COL28A1: variants seen among roughly 807,000 people sequenced by gnomAD.
The protein encoded by COL28A1 is collagen alpha-1(XXVIII) chain.
Under a neutral mutation model 150.2 loss-of-function variants are expected in COL28A1, and 161 were observed. The ratio of observed to expected loss-of-function variants is 1.07; its 90% CI spans 0.94 to 1.22. The LOEUF (loss-of-function observed/expected upper bound fraction) is 1.22. Ranked by LOEUF, COL28A1 falls within the 50% of genes most tolerant of loss-of-function variation. The probability of loss-of-function intolerance (pLI) is 0.00; values close to 1 mark genes in which losing one functional copy is unlikely to be tolerated. For missense variants in COL28A1, 1,617 were observed against 1,388.3 expected (o/e 1.16, Z -2.62); for synonymous variants, 552 against 469.7 (o/e 1.18, Z -2.26).
At chr7:7,479,798 C>G (rs1307745413) in intron 13 of COL28A1, among the ~76,000 whole-genome samples, 1 of 151,990 alleles carries the variant, frequency 6.6e-6, no homozygotes, top group African/African-American at 2.4e-5. Flanking sequence ...AGAAAATGTA[C>G]TAATGGAAAA....
At chr7:7,534,513 TTTCTC>T (rs1240286151) in intron 1 of COL28A1, among the ~76,000 whole-genome samples, 1 of 152,160 alleles carries the variant, frequency 6.6e-6, no homozygotes, top group Non-Finnish European at 1.5e-5. Flanking sequence ...ACATATGACT[TTTCTC>T]TTTGGTTGAG....
At chr7:7,541,328 T>C in the COL28A1 span, among the ~76,000 whole-genome samples, 2 of 152,238 alleles carry the variant, frequency 1.3e-5, no homozygotes, top group South Asian at 4.2e-4. Context: ...TTTTTTCCTA[T>C]TTGGGGATAT....
Position 7,477,131 on chromosome 7 carries a change from T to C in COL28A1, c.1214A>G (p.Glu405Gly). The C allele has an allele frequency of 1.5e-6, 2 of 1,336,022 alleles. No individual in the cohort carries two copies. Among genetic ancestry groups the C allele is most frequent in the South Asian group, 1.2e-5 (1 of 85,590 alleles). The allele number at this position is 1,336,022 out of a possible 1,614,324, so 82.8% of individuals were successfully genotyped here. A position where few individuals can be genotyped will look rare whatever the true frequency, so the allele number is the denominator to read the frequency against. Residue 405 changes from glutamate (E) to glycine (G), a missense_variant, in exon 14 of 35, where the codon GAA becomes GGA. Transcript: ENST00000399429. ...TGTTACCTTTGGTCCTGGAAATCCTTCTCCGGGTAAGCCCCTCTCTCCTGG... is the reference window on the plus strand; with the variant it reads ...TGTTACCTTTGGTCCTGGAAATCCTCCTCCGGGTAAGCCCCTCTCTCCTGG... ...GVPGERGLPG[E>G]GFPGPKGEKG...
intron 23 of COL28A1, among the ~76,000 whole-genome samples, chr7:7,434,224 T>G (rs1785184728): frequency 6.6e-6 from 1 of 152,200 alleles, no homozygotes; most frequent in Admixed American, 6.5e-5. Context: ...CTATTCATCA[T>G]CAACAAAAAC....
intron 34 of COL28A1, among the ~76,000 whole-genome samples, chr7:7,359,643 T>A (rs1290491576): frequency 6.6e-6 from 1 of 152,174 alleles, no homozygotes; most frequent in Non-Finnish European, 1.5e-5. Flanking sequence ...GGGACTTATA[T>A]GTGATAAACT....
the COL28A1 span, among the ~76,000 whole-genome samples, chr7:7,542,476 T>A: frequency 1.3e-5 from 2 of 152,174 alleles, no homozygotes; most frequent in East Asian, 3.8e-4. Flanking sequence ...TCTGTTAACT[T>A]TTCTGTATGT....
In COL28A1 at chr7:7,506,200, T is replaced by G. The variant is rs1780800657; in HGVS notation, c.973-133A>C. 1.3e-5 allele frequency: 8 copies of G among 595,950 alleles called. No homozygotes were observed. The South Asian group carries it at 1.8e-4, about 13-fold the overall frequency. 36.9% of individuals were successfully genotyped at this position (595,950 alleles called of 1,614,324 possible). A position where few individuals can be genotyped will look rare whatever the true frequency, so the allele number is the denominator to read the frequency against. On this transcript the variant is annotated intron_variant, in intron 10 of 34. Coordinates refer to ENST00000399429, the MANE Select transcript of COL28A1 (RefSeq NM_001037763.3). ...AACTCAGAGCTAAATTGAAATCACA[T>G]TCAATCGAGAAGTGGGATGAGATAA...
chr7:7,427,519 T>A (rs1784711902), intron 25 of COL28A1, among the ~76,000 whole-genome samples: 1 of 152,172 alleles, frequency 6.6e-6, no homozygotes, highest in African/African-American at 2.4e-5. Context: ...AATGCATCTC[T>A]GTGTGAATCG....
At chr7:7,535,458 A>G (rs1011766855) in intron 1 of COL28A1, among the ~76,000 whole-genome samples, 13 of 152,144 alleles carry the variant, frequency 8.5e-5, no homozygotes, top group Admixed American at 7.2e-4. Context: ...TGAATTGTAA[A>G]CCCTGTTCCA....
At chr7:7,380,993 T>A in intron 28 of COL28A1, 131 bp from the exon 29 acceptor site, 1 of 729,152 alleles carries the variant, frequency 1.4e-6, no homozygotes, top group Non-Finnish European at 2.3e-6. Context: ...ACAAATGCAG[T>A]ATTTGAAAAA....
chr7:7,427,220 T>C (rs758392017), intron 25 of COL28A1, among the ~76,000 whole-genome samples: 1 of 152,204 alleles, frequency 6.6e-6, no homozygotes, highest in Admixed American at 6.5e-5. Flanking sequence ...AATAGTCACC[T>C]TTTCCTGGTC....
intron 18 of COL28A1, among the ~76,000 whole-genome samples, chr7:7,446,700 A>C (rs1040000393): frequency 6.6e-6 from 1 of 152,218 alleles, no homozygotes. Context: ...GACATAGCAC[A>C]ATTTAAGCTT....
intron 33 of COL28A1, among the ~76,000 whole-genome samples, chr7:7,364,445 C>T (rs372820405): frequency 5.9e-5 from 9 of 152,326 alleles, no homozygotes; most frequent in East Asian, 5.8e-4. Flanking sequence ...TAATCCTTAT[C>T]TTCCATTAAT....
At chr7:7,529,334 G>A (rs1190029177) in intron 3 of COL28A1, among the ~76,000 whole-genome samples, 1 of 151,490 alleles carries the variant, frequency 6.6e-6, no homozygotes, top group African/African-American at 2.4e-5. Context: ...CTAGATGGTG[G>A]CAATTTGTAA....
chr7:7,398,657 T>C (rs1320488751), intron 27 of COL28A1, among the ~76,000 whole-genome samples: 1 of 152,212 alleles, frequency 6.6e-6, no homozygotes, highest in African/African-American at 2.4e-5. Context: ...TGCCCTCCTA[T>C]CTAAACAGCT....
intron 3 of COL28A1, among the ~76,000 whole-genome samples, chr7:7,528,859 G>T (rs1782179923): frequency 1.3e-5 from 2 of 152,084 alleles, no homozygotes; most frequent in African/African-American, 4.8e-5. Flanking sequence ...TGCCCTTTAA[G>T]TTAATGCAGT....
At chr7:7,383,282 GTGTGTGTTTTTT>G (rs1489190201) in intron 27 of COL28A1, among the ~76,000 whole-genome samples, 1 of 137,742 alleles carries the variant, frequency 7.3e-6, no homozygotes, top group Non-Finnish European at 1.5e-5. Flanking sequence ...GTGTGTGTGT[GTGTGTGTTTTTT>G]TTGAGACAGA....
downstream of COL28A1, among the ~76,000 whole-genome samples, chr7:7,351,785 T>C (rs1780235684): frequency 6.6e-6 from 1 of 151,942 alleles, no homozygotes; most frequent in South Asian, 2.1e-4. Context: ...GAGTGTGACA[T>C]ATGACTTGGG....
chr7:7,442,864 A>G (rs1583384794), intron 20 of COL28A1, among the ~76,000 whole-genome samples: 1 of 145,124 alleles, frequency 6.9e-6, no homozygotes, highest in African/African-American at 2.8e-5. Flanking sequence ...GTGAAACCCC[A>G]TCTCTACTAA....
Sources: allele counts gnomAD v4.1 joint callset (sites outside exome capture counted in the v4.1 genomes callset), GRCh38; gene constraint gnomAD v4.1.1; transcripts MANE v1.5; gene names NCBI Gene and HGNC (gene_info 2026-07-23, HGNC 2026-07-21).